POC1A: variants seen among roughly 807,000 people sequenced by gnomAD.
POC1A encodes POC1 centriolar protein homolog A.
Under a neutral mutation model 47.8 loss-of-function variants are expected in POC1A, and 34 were observed. That is an observed-to-expected ratio of 0.71 (90% confidence interval 0.54 to 0.95). The LOEUF (loss-of-function observed/expected upper bound fraction) is 0.95. POC1A is among the 40% of genes least tolerant of loss of function. The pLI, the probability that POC1A is intolerant of heterozygous loss-of-function variation, is 0.00. For synonymous variants in POC1A, 177 were observed against 207.6 expected, an observed-to-expected ratio of 0.85 and a Z score of 1.27; for missense variants, 466 against 528.3, an observed-to-expected ratio of 0.88 and a Z score of 1.16.
chr3:52,107,505 C>T (rs150658081), intron 9 of POC1A, among the ~76,000 whole-genome samples: 8 of 152,340 alleles, frequency 5.3e-5, no homozygotes, highest in East Asian at 1.9e-4. Flanking sequence ...AACACACACC[C>T]GCTTCCTTGA....
intron 6 of POC1A, among the ~76,000 whole-genome samples, chr3:52,142,126 C>T (rs1049403602): frequency 9.2e-5 from 14 of 152,350 alleles, no homozygotes; most frequent in African/African-American, 2.4e-4. Flanking sequence ...CTGCATGCTC[C>T]GCATCTGTGA....
intron 10 of POC1A, among the ~76,000 whole-genome samples, chr3:52,076,645 TCTC>T (rs1280398523): frequency 2.0e-5 from 3 of 152,220 alleles, no homozygotes; most frequent in South Asian, 2.1e-4. Context: ...GAGCCCACTT[TCTC>T]CTCCTTCGCC....
intron 9 of POC1A, 82 bp downstream of exon 9, chr3:52,122,297 C>T: frequency 1.3e-6 from 1 of 785,932 alleles, no homozygotes; most frequent in Admixed American, 1.9e-5. Context: ...TCCTCCCTCA[C>T]CGTCTCCAAG....
intron 9 of POC1A, among the ~76,000 whole-genome samples, chr3:52,105,876 C>T (rs972185860): frequency 6.6e-6 from 1 of 152,242 alleles, no homozygotes; most frequent in East Asian, 1.9e-4. Flanking sequence ...TGCCAGACTG[C>T]GAGTAGGGAA....
chr3:52,106,218 T>C (rs970862342), intron 9 of POC1A, among the ~76,000 whole-genome samples: 1 of 146,204 alleles, frequency 6.8e-6, no homozygotes, highest in African/African-American at 2.5e-5. Context: ...TTCAGAGACA[T>C]GGGGCCTGGA....
chr3:52,076,559 A>G (rs911805331), intron 10 of POC1A, among the ~76,000 whole-genome samples: 3 of 152,312 alleles, frequency 2.0e-5, no homozygotes, highest in Non-Finnish European at 2.9e-5. Context: ...TCCAAGTCCA[A>G]CGAATACTAC....
At chr3:52,138,386 G>A (rs1376988486) in intron 6 of POC1A, 84 bp from the exon 7 acceptor site, 19 of 1,432,530 alleles carry the variant, frequency 1.3e-5, no homozygotes, top group Non-Finnish European at 1.5e-5. Flanking sequence ...AGGGCCAATC[G>A]AGGCTCAGCA....
chr3:52,114,814 C>G (rs1703504176), intron 9 of POC1A, among the ~76,000 whole-genome samples: 1 of 152,202 alleles, frequency 6.6e-6, no homozygotes, highest in Non-Finnish European at 1.5e-5. Context: ...AAGCCTGGCC[C>G]CGGTAAAGCC....
At chr3:52,076,129 C>T in intron 10 of POC1A, 144 bp from the exon 11 acceptor site, 1 of 647,658 alleles carries the variant, frequency 1.5e-6, no homozygotes, top group East Asian at 2.8e-5. Context: ...CTGCCAGGCC[C>T]CTTGTCTCTG....
chr3:52,141,911 C>T lies in POC1A; in HGVS notation c.680-3609G>A, dbSNP rs191146321. Reference sequence around the variant, plus strand: ...GGTGCAGGGCTGCACTAAAGACCATCGGACAGAGAGCTTGGGACTCTATGA... The same window carrying T: ...GGTGCAGGGCTGCACTAAAGACCATTGGACAGAGAGCTTGGGACTCTATGA... On this transcript the variant is annotated intron_variant, in intron 6 of 10. Coordinates refer to ENST00000296484, the MANE Select transcript of POC1A (RefSeq NM_015426.5). Among the ~76,000 whole-genome samples, 98 of 152,328 alleles carry T rather than the reference C, an allele frequency of 6.4e-4. 3 individuals are homozygous for T. The highest frequency in any genetic ancestry group is 5.7e-3 in the Admixed American group (87 of 15,300).
intron 10 of POC1A, among the ~76,000 whole-genome samples, chr3:52,080,134 G>A (rs1282263185): frequency 6.6e-6 from 1 of 152,180 alleles, no homozygotes; most frequent in Admixed American, 6.5e-5. Flanking sequence ...TTTTACAGAT[G>A]AAGAAACTGA....
chr3:52,143,335 C>A (rs998097341), intron 6 of POC1A, among the ~76,000 whole-genome samples: 2 of 152,052 alleles, frequency 1.3e-5, no homozygotes, highest in Non-Finnish European at 2.9e-5. Context: ...TGCCCTCTGC[C>A]AAGCCTGCTC....
At chr3:52,127,082 C>T (rs1324402834) in intron 7 of POC1A, among the ~76,000 whole-genome samples, 1 of 152,238 alleles carries the variant, frequency 6.6e-6, no homozygotes, top group Non-Finnish European at 1.5e-5. Context: ...TGCAAGGGCC[C>T]AGGAATGCCC....
At chr3:52,105,602 C>T (rs866872525) in intron 9 of POC1A, among the ~76,000 whole-genome samples, 1 of 152,234 alleles carries the variant, frequency 6.6e-6, no homozygotes, top group Non-Finnish European at 1.5e-5. Context: ...GAATTCACCA[C>T]ACATATCTGC....
intron 4 of POC1A, among the ~76,000 whole-genome samples, chr3:52,148,745 A>G (rs957764621): frequency 3.3e-5 from 5 of 152,212 alleles, no homozygotes. Flanking sequence ...GTTGGGTTCA[A>G]ACTCCAGCTC....
chr3:52,127,547 C>T lies in POC1A; in HGVS notation c.814-2366G>A, dbSNP rs757633619. 5.9e-5 allele frequency among the ~76,000 whole-genome samples: 9 copies of T among 151,712 alleles called. 1 individual carries two copies. Among genetic ancestry groups the T allele is most frequent in the Non-Finnish European group, 1.0e-4 (7 of 67,944 alleles). ...CTGGGATTACAGGTGCCCGCCACCA[C>T]GCCCAGCTAAATTTTTTTTGTATTT... is the stretch of plus-strand genomic sequence containing the variant. On this transcript the variant is annotated intron_variant, in intron 7 of 10. Transcript: ENST00000296484.
chr3:52,103,038 C>T (rs890251094), intron 9 of POC1A, among the ~76,000 whole-genome samples: 2 of 152,186 alleles, frequency 1.3e-5, no homozygotes, highest in African/African-American at 4.8e-5. Context: ...CAAAGAGAAT[C>T]CAGAAACTCT....
rs1698478419 is a variant in POC1A, at chr3:52,149,403, C to T, written c.276-14G>A. The T allele has an allele frequency of 6.2e-7, 1 of 1,612,292 alleles. No individual in the cohort carries two copies. The highest frequency in any genetic ancestry group is 2.2e-5 in the East Asian group (1 of 44,824). ...GACTCACCTTTGCTACAAGGACAGG[C>T]ATCCAAGAGTAAGGAAACCCATAAC... On this transcript the variant is annotated splice_polypyrimidine_tract_variant and intron_variant, in intron 3 of 10. Coordinates refer to ENST00000296484, the MANE Select transcript of POC1A (RefSeq NM_015426.5).
chr3:52,099,846 G>A (rs971436734), intron 9 of POC1A, among the ~76,000 whole-genome samples: 8 of 152,150 alleles, frequency 5.3e-5, no homozygotes, highest in African/African-American at 9.7e-5. Context: ...GCAAGACTCC[G>A]TCTCAAAAGA....
Sources: gnomAD v4.1 joint callset for allele counts (sites outside exome capture counted in the v4.1 genomes callset) on GRCh38, gnomAD v4.1.1 for gene constraint, MANE v1.5 for transcripts, NCBI Gene and HGNC (gene_info 2026-07-23, HGNC 2026-07-21) for gene names.